The following SNTG1 variants were observed in gnomAD, a reference collection of about 807,000 sequenced individuals.
SNTG1 encodes the protein gamma-1-syntrophin.
SNTG1 carries 39 observed loss-of-function variants against 74.7 expected under a neutral mutation model. The ratio of observed to expected loss-of-function variants is 0.52; its 90% CI spans 0.40 to 0.68. The LOEUF (loss-of-function observed/expected upper bound fraction) is 0.68. SNTG1 is among the 30% of genes least tolerant of loss of function. The pLI is 0.00. For missense variants in SNTG1, 685 were observed against 609.5 expected, an observed-to-expected ratio of 1.12 and a Z score of -1.30; for synonymous variants, 254 against 217.1, an observed-to-expected ratio of 1.17 and a Z score of -1.49.
intron 2 of SNTG1, among the ~76,000 whole-genome samples, chr8:50,321,294 G>T (rs141372552): frequency 2.0e-5 from 3 of 152,046 alleles, no homozygotes; most frequent in Admixed American, 1.3e-4. Flanking sequence ...TACCTTATTT[G>T]TCTCTTTCTA....
intron 6 of SNTG1, among the ~76,000 whole-genome samples, chr8:50,450,275 T>C (rs1158166283): frequency 1.3e-5 from 2 of 152,196 alleles, no homozygotes; most frequent in Non-Finnish European, 2.9e-5. Flanking sequence ...CTTAAGTGCG[T>C]GAGAAAATGT....
intron 4 of SNTG1, among the ~76,000 whole-genome samples, chr8:50,417,427 T>C (rs947051504): frequency 6.6e-6 from 1 of 152,176 alleles, no homozygotes; most frequent in African/African-American, 2.4e-5. Flanking sequence ...ATATTTGCTT[T>C]CTTAGCATGT....
At chr8:50,421,088 G>GTAAGGTTTC (rs1417609809) in intron 4 of SNTG1, among the ~76,000 whole-genome samples, 1 of 139,114 alleles carries the variant, frequency 7.2e-6, no homozygotes, top group Non-Finnish European at 1.5e-5. Flanking sequence ...TTAAATGAAA[G>GTAAGGTTTC]TAAGGTTTCT....
rs375269168 is a variant in SNTG1 at position 50,470,193 on chromosome 8, T to A, written c.363+19464T>A. On this transcript the variant is annotated intron_variant, in intron 8 of 18. Coordinates refer to ENST00000642720, the MANE Select transcript of SNTG1 (RefSeq NM_018967.5). ...ATTAAGTTCTCTACAAAATAGAATG[T>A]TAACAAAGCAACAAAGTTTAGCCGA... 2.5e-3 allele frequency among the ~76,000 whole-genome samples: 381 copies of A among 152,334 alleles called. 4 individuals carry two copies. The South Asian group carries it at 0.029, about 12-fold the overall frequency.
At chr8:50,131,856 T>G (rs4873407) in intron 1 of SNTG1, among the ~76,000 whole-genome samples, 31,048 of 151,914 alleles carry the variant, frequency 0.2, 3,293 homozygotes, top group South Asian at 0.36. Flanking sequence ...TACCTTTATA[T>G]ATATACAATA....
intron 1 of SNTG1, among the ~76,000 whole-genome samples, chr8:49,941,735 G>A (rs1436641106): frequency 6.6e-6 from 1 of 151,984 alleles, no homozygotes; most frequent in Non-Finnish European, 1.5e-5. Context: ...TGAACTCTGG[G>A]ATAAGTCTCT....
chr8:50,619,082 T>C (rs1448568178), intron 13 of SNTG1, among the ~76,000 whole-genome samples: 1 of 152,160 alleles, frequency 6.6e-6, no homozygotes, highest in Non-Finnish European at 1.5e-5. Flanking sequence ...TTGTTCTCTA[T>C]AATTTAAGCT....
intron 12 of SNTG1, among the ~76,000 whole-genome samples, chr8:50,558,596 A>G (rs191984974): frequency 6.6e-6 from 1 of 151,656 alleles, no homozygotes; most frequent in East Asian, 1.9e-4. Flanking sequence ...CATTTTATCT[A>G]GTGCATTGAG....
chr8:49,966,120 G>T (rs537052194), intron 1 of SNTG1, among the ~76,000 whole-genome samples: 1 of 152,068 alleles, frequency 6.6e-6, no homozygotes. Context: ...GTCTCTCTTG[G>T]ACTATTTTTC....
At chr8:50,302,418 GT>G (rs987925141) in intron 2 of SNTG1, among the ~76,000 whole-genome samples, 3 of 151,084 alleles carry the variant, frequency 2.0e-5, no homozygotes, top group East Asian at 2.0e-4. Context: ...CTGGTTAAAG[GT>G]TTTTTTTTCA....
At chr8:50,132,516 A>G (rs560178456) in intron 1 of SNTG1, among the ~76,000 whole-genome samples, 4 of 152,238 alleles carry the variant, frequency 2.6e-5, no homozygotes, top group Non-Finnish European at 5.9e-5. Flanking sequence ...GAGAAACTGG[A>G]AGAAAAAAAG....
intron 1 of SNTG1, among the ~76,000 whole-genome samples, chr8:49,956,613 A>C (rs1278769137): frequency 6.6e-6 from 1 of 152,056 alleles, no homozygotes; most frequent in Non-Finnish European, 1.5e-5. Flanking sequence ...TATTTTACTG[A>C]GGGTTGCAAA....
intron 2 of SNTG1, among the ~76,000 whole-genome samples, chr8:50,344,287 C>T (rs144090967): frequency 5.3e-5 from 8 of 152,004 alleles, no homozygotes; most frequent in African/African-American, 1.7e-4. Flanking sequence ...AAAAAAATAG[C>T]GGCTTAAAAC....
chr8:50,312,800 G>A (rs951219614), intron 2 of SNTG1, among the ~76,000 whole-genome samples: 1 of 149,888 alleles, frequency 6.7e-6, no homozygotes, highest in Non-Finnish European at 1.5e-5. Context: ...GTTCTTCACT[G>A]GGCGTATGTT....
intron 15 of SNTG1, among the ~76,000 whole-genome samples, chr8:50,685,290 G>A (rs925137906): frequency 3.3e-5 from 5 of 152,098 alleles, no homozygotes; most frequent in Admixed American, 2.6e-4. Context: ...CATGAGAGAC[G>A]CTGCTAGAAA....
chr8:50,649,280 T>C (rs897906638), intron 13 of SNTG1, among the ~76,000 whole-genome samples: 1 of 152,070 alleles, frequency 6.6e-6, no homozygotes, highest in African/African-American at 2.4e-5. Context: ...GGTGAATAAC[T>C]TGAGGTCAGG....
intron 1 of SNTG1, among the ~76,000 whole-genome samples, chr8:50,149,034 A>G (rs993922047): frequency 2.0e-5 from 3 of 152,068 alleles, no homozygotes; most frequent in Non-Finnish European, 2.9e-5. Context: ...AAGCGTCCCT[A>G]TTTCTCCACA....
intron 2 of SNTG1, among the ~76,000 whole-genome samples, chr8:50,299,426 G>A (rs1563863793): frequency 6.6e-6 from 1 of 152,218 alleles, no homozygotes; most frequent in Non-Finnish European, 1.5e-5. Flanking sequence ...TGTATCATAA[G>A]AGGGGCATTC....
intron 1 of SNTG1, among the ~76,000 whole-genome samples, chr8:50,168,457 A>G (rs1308389148): frequency 6.6e-6 from 1 of 152,170 alleles, no homozygotes; most frequent in Non-Finnish European, 1.5e-5. Flanking sequence ...ACAAACACAT[A>G]AACAGAGTAT....
Sources: gnomAD v4.1 joint callset for allele counts (sites outside exome capture counted in the v4.1 genomes callset) on GRCh38, gnomAD v4.1.1 for gene constraint, MANE v1.5 for transcripts, NCBI Gene and HGNC (gene_info 2026-07-23, HGNC 2026-07-21) for gene names.